Variants in CDH12 observed in about 807,000 individuals in gnomAD.
CDH12 encodes the protein cadherin 12, also known as cadherin-12.
In CDH12, 41 loss-of-function variants were observed where a neutral mutation model predicts 74.1. The observed-to-expected ratio is 0.55, with a 90% CI of 0.43 to 0.72. The LOEUF (loss-of-function observed/expected upper bound fraction) is 0.72. CDH12 is among the 30% of genes least tolerant of loss of function. The probability of loss-of-function intolerance (pLI) is 0.00; values close to 1 mark genes in which losing one functional copy is unlikely to be tolerated. For missense variants in CDH12, 945 were observed against 977.2 expected (o/e 0.97, Z 0.44); for synonymous variants, 399 against 355.0 (o/e 1.12, Z -1.39).
chr5:22,019,409 C>T (rs1737819264), intron 5 of CDH12, among the ~76,000 whole-genome samples: 2 of 152,194 alleles, frequency 1.3e-5, no homozygotes, highest in South Asian at 4.1e-4. Flanking sequence ...ATGTTTATAT[C>T]CCCTCAAAGT....
intron 4 of CDH12, chr5:22,144,154 T>G (rs1305964703): frequency 1.3e-5 from 2 of 152,214 alleles, no homozygotes; most frequent in African/African-American, 2.4e-5. Flanking sequence ...CTCAAGTAAG[T>G]GCAAATTTTA....
At chr5:21,758,876 G>A (rs1180169153) in intron 13 of CDH12, among the ~76,000 whole-genome samples, 3 of 152,042 alleles carry the variant, frequency 2.0e-5, no homozygotes, top group Admixed American at 6.6e-5. Flanking sequence ...AGCAGAAAAC[G>A]AAACACCATA....
intron 1 of CDH12, among the ~76,000 whole-genome samples, chr5:22,848,127 C>T (rs1737390444): frequency 6.6e-6 from 1 of 152,094 alleles, no homozygotes; most frequent in Non-Finnish European, 1.5e-5. Context: ...ACAAATTTCC[C>T]TTCATTATGT....
At chr5:21,923,293 C>T (rs1754441747) in intron 6 of CDH12, among the ~76,000 whole-genome samples, 1 of 152,088 alleles carries the variant, frequency 6.6e-6, no homozygotes, top group Non-Finnish European at 1.5e-5. Flanking sequence ...CAATCTCCAA[C>T]ATTTGTATAA....
chr5:22,335,333 G>A (rs184600923), intron 3 of CDH12, among the ~76,000 whole-genome samples: 24 of 152,184 alleles, frequency 1.6e-4, no homozygotes, highest in African/African-American at 5.3e-4. Flanking sequence ...GGTCTCATGA[G>A]ATCTGATGGT....
chr5:22,711,724 TTTAGGGAAAAATAAAACATGTTGTG>T (rs1743298335), intron 1 of CDH12, among the ~76,000 whole-genome samples: 1 of 152,214 alleles, frequency 6.6e-6, no homozygotes, highest in Admixed American at 6.5e-5. Context: ...TACTTGATTC[TTTAGGGAAAAATAAAACATGTTGTG>T]AAATAACAAA....
chr5:22,488,591 A>G lies in CDH12; in HGVS notation c.-428+16679T>C, dbSNP rs567287731. On this transcript the variant is annotated intron_variant, in intron 2 of 14. Coordinates refer to ENST00000382254, the MANE Select transcript of CDH12 (RefSeq NM_004061.5). ...TTCACATGCAAACCAACCAATCCAGAGGCCATACCTCTACTCATCTTCTTT... is the reference window on the plus strand; with the variant it reads ...TTCACATGCAAACCAACCAATCCAGGGGCCATACCTCTACTCATCTTCTTT... Among the ~76,000 whole-genome samples the G allele has an allele frequency of 1.7e-4, 26 of 152,248 alleles. 1 individual carries two copies. The South Asian group carries it at 5.2e-3, about 30-fold the overall frequency.
intron 5 of CDH12, among the ~76,000 whole-genome samples, chr5:22,062,252 A>G (rs2150207242): frequency 6.6e-6 from 1 of 152,308 alleles, no homozygotes; most frequent in East Asian, 1.9e-4. Flanking sequence ...TGAAACAGCT[A>G]GATGCAATAA....
At chr5:22,717,959 G>A (rs117509250) in intron 1 of CDH12, among the ~76,000 whole-genome samples, 31 of 152,206 alleles carry the variant, frequency 2.0e-4, no homozygotes, top group Middle Eastern at 3.4e-3. Context: ...TTTTAATTGA[G>A]ATAATTTTCT....
chr5:21,924,812 TGTG>T (rs1471420513), intron 6 of CDH12, among the ~76,000 whole-genome samples: 2 of 152,214 alleles, frequency 1.3e-5, no homozygotes, highest in Non-Finnish European at 2.9e-5. Flanking sequence ...ATTATTCAAA[TGTG>T]GCCACTTTTT....
chr5:22,247,933 T>C lies in CDH12; in HGVS notation c.-332-35290A>G, dbSNP rs185818375. Among the ~76,000 whole-genome samples the C allele has an allele frequency of 2.1e-3, 324 of 152,224 alleles. 2 individuals carry two copies. Among genetic ancestry groups the C allele is most frequent in the African/African-American group, 7.3e-3 (303 of 41,540 alleles). On this transcript the variant is annotated intron_variant, in intron 3 of 14. Coordinates refer to ENST00000382254, the MANE Select transcript of CDH12 (RefSeq NM_004061.5). ...TTCCATGGGTCCATAAAAAATTCAA[T>C]ATATTTACAAGAAGTCCCAAAAGCT...
intron 1 of CDH12, among the ~76,000 whole-genome samples, chr5:22,787,649 A>T (rs1275586300): frequency 6.6e-6 from 1 of 152,116 alleles, no homozygotes; most frequent in East Asian, 1.9e-4. Context: ...CATGTTTATT[A>T]TTTCATACTT....
Position 21,817,111 on chromosome 5 carries a change from G to C in CDH12, c.836C>G (p.Pro279Arg), listed in dbSNP as rs1486600781. Residue 279 changes from proline (P) to arginine (R), a missense_variant, in exon 9 of 15, where the codon CCT becomes CGT. Physicochemically the swap from Pro to Arg is moderately radical, Grantham distance 103 (BLOSUM62 -2). This residue lies in a region of CDH12 where 791 missense variants were observed against 792.8 expected (regional missense o/e 1.00). Coordinates refer to ENST00000382254, the MANE Select transcript of CDH12 (RefSeq NM_004061.5). The part of the protein sequence containing the change: ...FPKSIFHLKV[P>R]ESSPIGSAIG... ...AGCTGAACCAATAGGGGAAGACTCA[G>C]GAACTTTCAAGTGGAAGATGCCTGA... 1 of 1,610,308 alleles carries C rather than the reference G, an allele frequency of 6.2e-7. No homozygotes were observed. Among genetic ancestry groups the C allele is most frequent in the Non-Finnish European group, 8.5e-7 (1 of 1,178,344 alleles).
At chr5:22,566,127 A>G (rs2126758167) in intron 1 of CDH12, among the ~76,000 whole-genome samples, 1 of 152,312 alleles carries the variant, frequency 6.6e-6, no homozygotes, top group Admixed American at 6.5e-5. Flanking sequence ...AAAAGCACAC[A>G]CACAAAAGAA....
chr5:21,760,996 A>G (rs1744688536), intron 12 of CDH12, among the ~76,000 whole-genome samples: 1 of 152,172 alleles, frequency 6.6e-6, no homozygotes, highest in African/African-American at 2.4e-5. Context: ...ATTAGATGAA[A>G]TAAATGCTTT....
At chr5:22,467,910 A>G (rs1745799637) in intron 2 of CDH12, among the ~76,000 whole-genome samples, 1 of 152,226 alleles carries the variant, frequency 6.6e-6, no homozygotes, top group Non-Finnish European at 1.5e-5. Context: ...TCATCAAATC[A>G]TCTGTAATGA....
At chr5:22,576,848 GT>G (rs1739816862) in intron 1 of CDH12, among the ~76,000 whole-genome samples, 1 of 152,034 alleles carries the variant, frequency 6.6e-6, no homozygotes, top group South Asian at 2.1e-4. Flanking sequence ...AGGGAAAGAT[GT>G]TTTTCAATCT....
chr5:22,210,526 G>A lies in CDH12; in HGVS notation c.-187+1972C>T, dbSNP rs536661262. Among the ~76,000 whole-genome samples, 11 of 151,174 alleles carry A rather than the reference G, an allele frequency of 7.3e-5. No individual in the cohort carries two copies. In the East Asian group the frequency reaches 2.2e-3, roughly 30 times the overall value. ...GTATTTTAAGTTCAGGGGTACGTAT[G>A]GTTGTTTGTTATATAAGTAAACATG... On this transcript the variant is annotated intron_variant, in intron 4 of 14. Transcript: ENST00000382254.
intron 6 of CDH12, among the ~76,000 whole-genome samples, chr5:21,960,782 GTCTT>G (rs894820631): frequency 4.6e-5 from 7 of 151,776 alleles, no homozygotes; most frequent in East Asian, 1.9e-4. Flanking sequence ...ATGTTTGCCT[GTCTT>G]TCTATTAGAA....
Sources: allele counts gnomAD v4.1 joint callset (sites outside exome capture counted in the v4.1 genomes callset), GRCh38; gene constraint gnomAD v4.1.1; regional missense constraint gnomAD v4.1.1; transcripts MANE v1.5; gene names NCBI Gene and HGNC (gene_info 2026-07-23, HGNC 2026-07-21).